Variants in ZNF407 observed in about 807,000 individuals in gnomAD.
ZNF407 encodes the protein zinc finger protein 407.
A neutral mutation model predicts 131.2 loss-of-function variants in ZNF407; 17 were observed. The observed-to-expected ratio is 0.13, with a 90% CI of 0.09 to 0.19. The LOEUF is 0.19. Among genes scored for constraint, ZNF407 ranks in the 10% least tolerant of loss-of-function variants. ZNF407 has a pLI of 1.00. For synonymous variants in ZNF407, 1,156 were observed against 1,062.0 expected (o/e 1.09, Z -1.72); for missense variants, 2,681 against 2,830.6 (o/e 0.95, Z 1.20).
At position 74,629,573 on chromosome 18, in the gene ZNF407, G is replaced by C. The variant is rs568206186; in HGVS notation, c.-53-1394G>C. Among the ~76,000 whole-genome samples the C allele has an allele frequency of 2.0e-5, 3 of 152,112 alleles. No homozygotes were observed. In the East Asian group the frequency reaches 5.8e-4, roughly 29 times the overall value. ...AATTTTGATGAAGTCCAATTTACTT[G>C]TTTTTTTCTCGTATTGTTCGCGCTT... On this transcript the variant is annotated intron_variant, in intron 1 of 8. Transcript: ENST00000299687.
chr18:74,835,486 T>C (rs1380958519), intron 4 of ZNF407, among the ~76,000 whole-genome samples: 3 of 152,192 alleles, frequency 2.0e-5, no homozygotes, highest in Non-Finnish European at 4.4e-5. Flanking sequence ...ACTGTGCCCA[T>C]GGTGGCAAGA....
intron 4 of ZNF407, among the ~76,000 whole-genome samples, chr18:74,821,446 G>C (rs919861928): frequency 2.1e-5 from 3 of 144,410 alleles, no homozygotes; most frequent in Admixed American, 1.4e-4. Flanking sequence ...ACAGGCCCCC[G>C]TGTGTGATGA....
intron 7 of ZNF407, among the ~76,000 whole-genome samples, chr18:74,912,873 G>GA (rs1421622606): frequency 6.6e-6 from 1 of 151,998 alleles, no homozygotes; most frequent in Non-Finnish European, 1.5e-5. Context: ...CAATCATTTA[G>GA]AAAAAAAGAG....
At chr18:74,916,660 G>C (rs1971773146) in intron 7 of ZNF407, among the ~76,000 whole-genome samples, 1 of 140,472 alleles carries the variant, frequency 7.1e-6, no homozygotes, top group Non-Finnish European at 1.5e-5. Flanking sequence ...GTGCATGTGT[G>C]TGCTGGTATG....
chr18:75,060,615 C>T (rs1303799750), intron 8 of ZNF407, among the ~76,000 whole-genome samples: 2 of 149,354 alleles, frequency 1.3e-5, no homozygotes, highest in Non-Finnish European at 3.0e-5. Context: ...CCGCCATTCT[C>T]CTGCCTCAGC....
At chr18:74,968,919 T>C (rs1972440008) in intron 8 of ZNF407, among the ~76,000 whole-genome samples, 2 of 152,150 alleles carry the variant, frequency 1.3e-5, no homozygotes, top group Non-Finnish European at 2.9e-5. Flanking sequence ...GCTTTTGTCA[T>C]TGTCCCCATG....
intron 4 of ZNF407, among the ~76,000 whole-genome samples, chr18:74,826,011 A>G (rs1242184806): frequency 6.6e-6 from 1 of 152,190 alleles, no homozygotes; most frequent in African/African-American, 2.4e-5. Context: ...TTTTTAATCT[A>G]CGGTTGTATT....
intron 7 of ZNF407, chr18:74,905,691 G>A (rs1467323026): frequency 2.0e-5 from 3 of 152,164 alleles, no homozygotes; most frequent in Non-Finnish European, 4.4e-5. Flanking sequence ...GCATCAATTT[G>A]TCCTAAGAAC....
chr18:74,838,212 G>A (rs2554113), intron 4 of ZNF407, among the ~76,000 whole-genome samples: 149,500 of 152,278 alleles, frequency 0.98, 73,452 homozygotes, highest in East Asian at 1. Context: ...TCCATCTGCC[G>A]TCCCAAGAAT....
chr18:74,836,745 T>C (rs1250358428), intron 4 of ZNF407, among the ~76,000 whole-genome samples: 1 of 152,154 alleles, frequency 6.6e-6, no homozygotes, highest in Non-Finnish European at 1.5e-5. Context: ...GTGGAATGCT[T>C]TATTTCATTT....
chr18:75,051,272 G>C (rs569613614), intron 8 of ZNF407, among the ~76,000 whole-genome samples: 57 of 152,210 alleles, frequency 3.7e-4, no homozygotes, highest in African/African-American at 1.3e-3. Context: ...TTAGGACCTA[G>C]GTTTTTCTGT....
At chr18:74,918,236 A>G (rs1303305403) in intron 7 of ZNF407, among the ~76,000 whole-genome samples, 2 of 152,204 alleles carry the variant, frequency 1.3e-5, no homozygotes, top group Non-Finnish European at 2.9e-5. Flanking sequence ...CGTAAATTTT[A>G]AAGGGAAAGC....
At chr18:74,715,854 A>G (rs1286811416) in intron 3 of ZNF407, among the ~76,000 whole-genome samples, 1 of 152,178 alleles carries the variant, frequency 6.6e-6, no homozygotes, top group African/African-American at 2.4e-5. Flanking sequence ...GCTGTTTTCA[A>G]ATACCTGCTT....
chr18:74,804,345 T>C, intron 4 of ZNF407: 1 of 1,065,846 alleles, frequency 9.4e-7, no homozygotes, highest in Non-Finnish European at 1.1e-6. Flanking sequence ...TATTTAAAGC[T>C]GACTGTCCAA....
intron 3 of ZNF407, among the ~76,000 whole-genome samples, chr18:74,721,587 G>A (rs1968037823): frequency 6.6e-6 from 1 of 152,258 alleles, no homozygotes; most frequent in East Asian, 1.9e-4. Flanking sequence ...TAGTGTTTCT[G>A]TGAAAAATTT....
At chr18:74,609,118 T>C (rs944165706) in intron 1 of ZNF407, among the ~76,000 whole-genome samples, 1 of 152,226 alleles carries the variant, frequency 6.6e-6, no homozygotes, top group Non-Finnish European at 1.5e-5. Context: ...AGGCTTAAGC[T>C]GTTGGAAGTA....
At chr18:74,912,491 A>C (rs553512900) in intron 7 of ZNF407, among the ~76,000 whole-genome samples, 23 of 152,290 alleles carry the variant, frequency 1.5e-4, no homozygotes, top group African/African-American at 5.3e-4. Flanking sequence ...TCCAGAATTC[A>C]CCTTACATAA....
intron 3 of ZNF407, among the ~76,000 whole-genome samples, chr18:74,667,018 G>GTGTCTCAGT: frequency 6.6e-6 from 1 of 152,312 alleles, no homozygotes; most frequent in African/African-American, 2.4e-5. Context: ...GTGGGCAGCT[G>GTGTCTCAGT]TGTCTCAGTT....
At chr18:74,624,667 A>T (rs2144647198) in intron 1 of ZNF407, among the ~76,000 whole-genome samples, 1 of 152,272 alleles carries the variant, frequency 6.6e-6, no homozygotes, top group Non-Finnish European at 1.5e-5. Flanking sequence ...TGTGATCTGG[A>T]CCTGGTCGAC....
Sources: allele counts gnomAD v4.1 joint callset (sites outside exome capture counted in the v4.1 genomes callset), GRCh38; gene constraint gnomAD v4.1.1; transcripts MANE v1.5; gene names NCBI Gene and HGNC (gene_info 2026-07-23, HGNC 2026-07-21).